Variants in BTRC observed in about 807,000 individuals in gnomAD.
BTRC encodes F-box/WD repeat-containing protein 1A.
A neutral mutation model predicts 85.5 loss-of-function variants in BTRC; 42 were observed. The observed-to-expected ratio is 0.49, with a 90% CI of 0.38 to 0.64. The LOEUF is 0.64. Among genes scored for constraint, BTRC ranks in the 30% least tolerant of loss-of-function variants. The probability of loss-of-function intolerance (pLI) is 0.00; values close to 1 mark genes in which losing one functional copy is unlikely to be tolerated. For synonymous variants in BTRC, 255 were observed against 263.3 expected (o/e 0.97, Z 0.30); for missense variants, 594 against 743.5 (o/e 0.80, Z 2.34).
intron 1 of BTRC, among the ~76,000 whole-genome samples, chr10:101,416,918 A>G (rs752274670): frequency 6.6e-6 from 1 of 152,228 alleles, no homozygotes; most frequent in Admixed American, 6.5e-5. Context: ...ACCAAAAGCA[A>G]AATCCCAGTA....
At chr10:101,545,854 AAAG>A in intron 13 of BTRC, among the ~76,000 whole-genome samples, 1 of 152,346 alleles carries the variant, frequency 6.6e-6, no homozygotes, top group Admixed American at 6.5e-5. Context: ...ACCTCAGAGC[AAAG>A]AATATTATCA....
chr10:101,474,455 C>T (rs1945621365), intron 3 of BTRC, among the ~76,000 whole-genome samples: 1 of 152,232 alleles, frequency 6.6e-6, no homozygotes, highest in East Asian at 1.9e-4. Flanking sequence ...CCATGAGCAG[C>T]AGCTGGAATA....
intron 1 of BTRC, among the ~76,000 whole-genome samples, chr10:101,404,004 A>G (rs192583175): frequency 0.37 from 20,473 of 55,928 alleles, 2,768 homozygotes; most frequent in Non-Finnish European, 0.41. Context: ...GTGTGTGTGT[A>G]TATATATATA....
At chr10:101,510,217 C>A (rs900338581) in intron 4 of BTRC, among the ~76,000 whole-genome samples, 9 of 149,154 alleles carry the variant, frequency 6.0e-5, no homozygotes, top group African/African-American at 2.2e-4. Context: ...CTTTTAAAGT[C>A]ATTATTTTTG....
intron 1 of BTRC, among the ~76,000 whole-genome samples, chr10:101,415,490 TG>T (rs372240094): frequency 0.93 from 109,379 of 117,370 alleles, 51,135 homozygotes; most frequent in East Asian, 0.97. Context: ...TTTTATTTTA[TG>T]TTATGTTATG....
intron 1 of BTRC, among the ~76,000 whole-genome samples, chr10:101,408,427 C>T (rs1180775846): frequency 6.6e-6 from 1 of 152,126 alleles, no homozygotes; most frequent in Admixed American, 6.5e-5. Context: ...TCATCTCAGC[C>T]TCCTGAGTAG....
rs568780085 is a variant in BTRC, at chr10:101,424,518, ATTG to A, written c.49-5823_49-5821del. ...AAACTCTCAGTACAGCAATCTTTTTATTGTTGATTATTATAGCTTCTGTTACTC... is the reference window on the plus strand; with the variant it reads ...AAACTCTCAGTACAGCAATCTTTTTATTGATTATTATAGCTTCTGTTACTC... On this transcript the variant is annotated intron_variant, in intron 1 of 14. Coordinates refer to ENST00000370187, the MANE Select transcript of BTRC (RefSeq NM_033637.4). Among the ~76,000 whole-genome samples, 46 of 152,300 alleles carry A rather than the reference ATTG, an allele frequency of 3.0e-4. 1 individual carries two copies. In the South Asian group the frequency reaches 9.5e-3, roughly 32 times the overall value.
intron 1 of BTRC, among the ~76,000 whole-genome samples, chr10:101,423,044 A>T (rs1222618703): frequency 6.6e-6 from 1 of 152,024 alleles, no homozygotes; most frequent in Non-Finnish European, 1.5e-5. Flanking sequence ...CCTATCCATG[A>T]GTTTTTTTTA....
chr10:101,370,247 G>T (rs1232970729), intron 1 of BTRC, among the ~76,000 whole-genome samples: 1 of 151,228 alleles, frequency 6.6e-6, no homozygotes, highest in Admixed American at 6.6e-5. Flanking sequence ...TCAGTCTCCT[G>T]AGCATCTGGG....
intron 2 of BTRC, among the ~76,000 whole-genome samples, chr10:101,434,587 G>A (rs575752607): frequency 1.3e-5 from 2 of 151,918 alleles, no homozygotes; most frequent in Admixed American, 6.6e-5. Context: ...CTGATAAATT[G>A]GACTTCATCA....
At chr10:101,412,896 A>T (rs998804760) in intron 1 of BTRC, among the ~76,000 whole-genome samples, 1 of 152,240 alleles carries the variant, frequency 6.6e-6, no homozygotes, top group African/African-American at 2.4e-5. Flanking sequence ...TTTTATAGAA[A>T]TAGATAATCA....
chr10:101,472,576 G>A (rs575615548), intron 3 of BTRC, among the ~76,000 whole-genome samples: 1 of 152,198 alleles, frequency 6.6e-6, no homozygotes, highest in Non-Finnish European at 1.5e-5. Context: ...CACTTTGGGA[G>A]GCCAAGGTTG....
intron 2 of BTRC, among the ~76,000 whole-genome samples, chr10:101,458,058 C>A (rs112805242): frequency 6.6e-6 from 1 of 152,066 alleles, no homozygotes; most frequent in South Asian, 2.1e-4. Flanking sequence ...TGTTTCAGTG[C>A]GTGTTTCCAG....
At chr10:101,522,378 A>AAAAC in intron 5 of BTRC, among the ~76,000 whole-genome samples, 1 of 33,316 alleles carries the variant, frequency 3.0e-5, no homozygotes, top group South Asian at 8.2e-4. Context: ...AAAAAAAAAC[A>AAAAC]AAAAAAAAAA....
chr10:101,524,824 C>CT (rs1434427278), intron 5 of BTRC, among the ~76,000 whole-genome samples: 1 of 152,142 alleles, frequency 6.6e-6, no homozygotes, highest in Non-Finnish European at 1.5e-5. Context: ...TCTGCTTATG[C>CT]TTACATACGA....
At chr10:101,406,411 G>A (rs941598716) in intron 1 of BTRC, among the ~76,000 whole-genome samples, 3 of 150,946 alleles carry the variant, frequency 2.0e-5, no homozygotes, top group Admixed American at 6.6e-5. Flanking sequence ...TGATCCGCCC[G>A]CCTCAGCCTC....
intron 6 of BTRC, among the ~76,000 whole-genome samples, 157 bp downstream of exon 6, chr10:101,526,356 T>C (rs984529653): frequency 1.3e-5 from 2 of 152,244 alleles, no homozygotes; most frequent in African/African-American, 4.8e-5. Context: ...AATGTTCATA[T>C]ACTCAGCAGT....
In BTRC at chr10:101,442,350, G is replaced by C. The variant is rs570713993; in HGVS notation, c.156+11898G>C. Among the ~76,000 whole-genome samples the C allele has an allele frequency of 4.0e-5, 6 of 149,580 alleles. No homozygotes were observed. In the Admixed American group the frequency reaches 4.0e-4, roughly 10 times the overall value. On this transcript the variant is annotated intron_variant, in intron 2 of 14. Transcript: ENST00000370187. The stretch of plus-strand genomic sequence containing the variant: ...AGATAATTCCAACCTTAACGGGAGA[G>C]ACTATGAGAGACATGACTGATGGTG...
chr10:101,433,467 G>T (rs1030686276), intron 2 of BTRC, among the ~76,000 whole-genome samples: 2 of 152,124 alleles, frequency 1.3e-5, no homozygotes, highest in Non-Finnish European at 2.9e-5. Context: ...GAATTAACTC[G>T]ATAACAGGGA....
Sources: gnomAD v4.1 joint callset for allele counts (sites outside exome capture counted in the v4.1 genomes callset) on GRCh38, gnomAD v4.1.1 for gene constraint, MANE v1.5 for transcripts, NCBI Gene and HGNC (gene_info 2026-07-23, HGNC 2026-07-21) for gene names.